OTOGL: variants seen among roughly 807,000 people sequenced by gnomAD.
OTOGL encodes the protein otogelin-like protein.
In OTOGL, 285 loss-of-function variants were observed where a neutral mutation model predicts 318.5. The ratio of observed to expected loss-of-function variants is 0.89; its 90% CI spans 0.81 to 0.99. The LOEUF is 0.99. OTOGL is among the 50% of genes least tolerant of loss of function. The pLI, the probability that OTOGL is intolerant of heterozygous loss-of-function variation, is 0.00. For synonymous variants in OTOGL, 987 were observed against 936.5 expected, an observed-to-expected ratio of 1.05 and a Z score of -0.99; for missense variants, 2,899 against 2,845.6, an observed-to-expected ratio of 1.02 and a Z score of -0.43.
chr12:80,248,727 G>A (rs1290112153), intron 11 of OTOGL, among the ~76,000 whole-genome samples: 9 of 146,606 alleles, frequency 6.1e-5, no homozygotes, highest in Admixed American at 2.0e-4. Flanking sequence ...GCTAGATTGG[G>A]GAAGTTCTCC....
intron 29 of OTOGL, among the ~76,000 whole-genome samples, chr12:80,306,778 T>G (rs1160442084): frequency 7.1e-6 from 1 of 141,566 alleles, no homozygotes; most frequent in Non-Finnish European, 1.5e-5. Flanking sequence ...ATTTCTTTTT[T>G]TTTTTTAAAT....
intron 1 of OTOGL, among the ~76,000 whole-genome samples, chr12:80,199,599 A>C (rs1415844524): frequency 2.0e-5 from 3 of 152,200 alleles, no homozygotes; most frequent in Non-Finnish European, 4.4e-5. Flanking sequence ...TATAGAATTC[A>C]TACCATCTAA....
chr12:80,149,627 C>G (rs1340917654), intron 1 of OTOGL, among the ~76,000 whole-genome samples: 17 of 152,270 alleles, frequency 1.1e-4, no homozygotes, highest in Non-Finnish European at 2.2e-4. Context: ...CTTTGTTTAC[C>G]TAAGCAAGCC....
rs530898423 is a variant in OTOGL at position 80,221,512 on chromosome 12, G to A, written c.335-579G>A. Among the ~76,000 whole-genome samples the A allele has an allele frequency of 2.0e-5, 3 of 152,022 alleles. No homozygotes were observed. The East Asian group carries it at 5.8e-4, about 29-fold the overall frequency. On this transcript the variant is annotated intron_variant, in intron 6 of 58. Coordinates refer to ENST00000547103, the MANE Select transcript of OTOGL (RefSeq NM_001378609.3). Reference sequence around the variant, plus strand: ...TCAAACTCTTGAGCTCAGGTAACCTGCCCACCTTGGCCTACCAAATTGCTA... The same window carrying A: ...TCAAACTCTTGAGCTCAGGTAACCTACCCACCTTGGCCTACCAAATTGCTA...
chr12:80,368,637 T>C (rs536670057), intron 55 of OTOGL, among the ~76,000 whole-genome samples: 37 of 152,236 alleles, frequency 2.4e-4, no homozygotes, highest in African/African-American at 8.9e-4. Flanking sequence ...ATTTTTGATT[T>C]CAGATAAATT....
At chr12:80,125,988 A>C (rs987929775) in intron 1 of OTOGL, among the ~76,000 whole-genome samples, 6 of 152,140 alleles carry the variant, frequency 3.9e-5, no homozygotes, top group Non-Finnish European at 5.9e-5. Context: ...TTCAAAAAAC[A>C]AGCTCCTGGA....
chr12:80,272,674 A>G (rs1156760816), intron 24 of OTOGL, among the ~76,000 whole-genome samples: 1 of 152,058 alleles, frequency 6.6e-6, no homozygotes, highest in Admixed American at 6.6e-5. Flanking sequence ...CAGCTCATAT[A>G]AACCAGGGGC....
chr12:80,222,322 T>A, intron 7 of OTOGL, 77 bp downstream of exon 7: 1 of 1,314,306 alleles, frequency 7.6e-7, no homozygotes, highest in Non-Finnish European at 1.0e-6. Flanking sequence ...ACTGGGAAAA[T>A]GATGCAAAAT....
At chr12:80,260,076 T>C (rs754379166) in intron 18 of OTOGL, among the ~76,000 whole-genome samples, 3 of 152,112 alleles carry the variant, frequency 2.0e-5, no homozygotes, top group Non-Finnish European at 2.9e-5. Context: ...TTGGTCTTTG[T>C]ATTCTTAGGA....
At chr12:80,124,402 T>G (rs1330702405) in intron 1 of OTOGL, among the ~76,000 whole-genome samples, 1 of 152,226 alleles carries the variant, frequency 6.6e-6, no homozygotes, top group Admixed American at 6.5e-5. Flanking sequence ...TCTATATCTC[T>G]GTTTTGGTAC....
At chr12:80,252,322 T>C in intron 13 of OTOGL, 121 bp downstream of exon 13, 1 of 1,148,378 alleles carries the variant, frequency 8.7e-7, no homozygotes, top group Non-Finnish European at 1.1e-6. Context: ...AATTTTCTGT[T>C]CTTGTAGAAG....
chr12:80,372,214 C>G (rs1257803647), intron 57 of OTOGL, 150 bp downstream of exon 57: 5 of 491,608 alleles, frequency 1.0e-5, no homozygotes, highest in Non-Finnish European at 1.3e-5. Flanking sequence ...TTTTTTGTAT[C>G]ATATGGTTAA....
At chr12:80,351,921 A>G (rs1889576383) in intron 44 of OTOGL, among the ~76,000 whole-genome samples, 1 of 152,224 alleles carries the variant, frequency 6.6e-6, no homozygotes, top group Non-Finnish European at 1.5e-5. Context: ...GCAATGCTGT[A>G]TACCATTAGA....
Position 80,352,329 on chromosome 12 carries a change from T to A in OTOGL, c.5300T>A (p.Ile1767Asn), listed in dbSNP as rs1267136883. 6.2e-7 allele frequency: 1 copy of A among 1,611,304 alleles called. No homozygotes were observed. The highest frequency in any genetic ancestry group is 1.1e-5 in the South Asian group (1 of 90,264). Residue 1767 changes from isoleucine to asparagine, a missense_variant, in exon 45 of 59, where the codon ATC becomes AAC. This residue lies in a region of OTOGL where 2,607 missense variants were observed against 2,524.9 expected (regional missense o/e 1.03). Coordinates refer to ENST00000547103, the MANE Select transcript of OTOGL (RefSeq NM_001378609.3). ...GAAGACTTTTGTGAAAAGATGTGGATCAATTATACCTATTTTTGGAACTAT... is the reference window on the plus strand; with the variant it reads ...GAAGACTTTTGTGAAAAGATGTGGAACAATTATACCTATTTTTGGAACTAT... ...SPEDFCEKMW[I>N]NYTYFWNYEC...
At chr12:80,235,769 C>T (rs758460367) in intron 9 of OTOGL, among the ~76,000 whole-genome samples, 6 of 151,926 alleles carry the variant, frequency 3.9e-5, no homozygotes, top group South Asian at 2.1e-4. Context: ...AGAAGGATTC[C>T]GGAAAGTATA....
intron 1 of OTOGL, among the ~76,000 whole-genome samples, chr12:80,203,176 G>T (rs1163768314): frequency 6.6e-6 from 1 of 152,122 alleles, no homozygotes; most frequent in Non-Finnish European, 1.5e-5. Flanking sequence ...TATAGATCTG[G>T]ATACCAGGAG....
chr12:80,269,128 C>A (rs562993137), intron 22 of OTOGL, among the ~76,000 whole-genome samples: 1 of 152,144 alleles, frequency 6.6e-6, no homozygotes, highest in Non-Finnish European at 1.5e-5. Context: ...AATCACACCT[C>A]TGAGTGTTAT....
rs1874144762 is a variant in OTOGL, at chr12:80,170,634, A to G, written c.-19-38779A>G. ...TTTTTAGAAGAGATGGGGTTTCACCATGTTGCCCAGGCTGGTCTTGAACTC... is the reference window on the plus strand; with the variant it reads ...TTTTTAGAAGAGATGGGGTTTCACCGTGTTGCCCAGGCTGGTCTTGAACTC... On this transcript the variant is annotated intron_variant, in intron 1 of 58. Transcript: ENST00000547103. 9.2e-5 allele frequency among the ~76,000 whole-genome samples: 14 copies of G among 151,938 alleles called. 1 individual carries two copies. In the South Asian group the frequency reaches 2.9e-3, roughly 32 times the overall value.
At chr12:80,146,456 T>A (rs1342743904) in intron 1 of OTOGL, among the ~76,000 whole-genome samples, 1 of 151,756 alleles carries the variant, frequency 6.6e-6, no homozygotes, top group East Asian at 1.9e-4. Context: ...TGGATTCGTT[T>A]TGCCAGTATT....
Sources: allele counts gnomAD v4.1 joint callset (sites outside exome capture counted in the v4.1 genomes callset), GRCh38; gene constraint gnomAD v4.1.1; regional missense constraint gnomAD v4.1.1; transcripts MANE v1.5; gene names NCBI Gene and HGNC (gene_info 2026-07-23, HGNC 2026-07-21).